PDIA4: variants seen among roughly 807,000 people sequenced by gnomAD.
PDIA4 encodes the protein protein disulfide isomerase family A member 4.
A neutral mutation model predicts 62.1 loss-of-function variants in PDIA4; 33 were observed. The observed-to-expected ratio is 0.53, with a 90% confidence interval of 0.40 to 0.71. The LOEUF is 0.71. PDIA4 is among the 30% of genes least tolerant of loss of function. The pLI is 0.00. For synonymous variants in PDIA4, 341 were observed against 324.1 expected (o/e 1.05, Z -0.56); for missense variants, 804 against 813.6 (o/e 0.99, Z 0.14).
intron 9 of PDIA4, 96 bp downstream of exon 9, chr7:149,005,045 C>G: frequency 3.3e-6 from 3 of 897,608 alleles, no homozygotes; most frequent in Non-Finnish European, 5.5e-6. Flanking sequence ...GGGTGTCGTG[C>G]CCGTGGCCAG....
At chr7:149,024,771 G>A (rs112634954) in intron 1 of PDIA4, among the ~76,000 whole-genome samples, 30,373 of 141,694 alleles carry the variant, frequency 0.21, 3,696 homozygotes, top group African/African-American at 0.33. Flanking sequence ...AGCTGAGATC[G>A]CACCACTGCA....
At chr7:149,017,647 T>C (rs1000468470) in intron 3 of PDIA4, among the ~76,000 whole-genome samples, 1 of 141,368 alleles carries the variant, frequency 7.1e-6, no homozygotes, top group Non-Finnish European at 1.5e-5. Flanking sequence ...ATTAAATACA[T>C]TTTATCAAAA....
intron 9 of PDIA4, 132 bp downstream of exon 9, chr7:149,005,009 A>T: frequency 1.4e-6 from 1 of 718,484 alleles, no homozygotes; most frequent in Non-Finnish European, 2.5e-6. Context: ...CTCGGGGGTG[A>T]GAGAGGACTG....
intron 4 of PDIA4, among the ~76,000 whole-genome samples, chr7:149,014,132 C>A (rs985478086): frequency 6.6e-6 from 1 of 152,216 alleles, no homozygotes; most frequent in Non-Finnish European, 1.5e-5. Flanking sequence ...GAATCTGTGG[C>A]CTCAGGTTTG....
chr7:149,008,028 G>T, intron 7 of PDIA4, 131 bp downstream of exon 7: 4 of 831,070 alleles, frequency 4.8e-6, no homozygotes, highest in South Asian at 1.9e-5. Flanking sequence ...GGGAGAACGG[G>T]CTGGAAAAGG....
At chr7:149,020,412 G>A (rs1279072712) in intron 2 of PDIA4, among the ~76,000 whole-genome samples, 10 of 152,166 alleles carry the variant, frequency 6.6e-5, no homozygotes. Context: ...AACAGTAGAG[G>A]AGAAGGGATG....
chr7:149,021,079 C>T lies in PDIA4; in HGVS notation c.157G>A (p.Glu53Lys), dbSNP rs1824330221. 6.2e-7 allele frequency: 1 copy of T among 1,613,650 alleles called. No homozygotes were observed. Among genetic ancestry groups the T allele is most frequent in the Non-Finnish European group, 8.5e-7 (1 of 1,179,752 alleles). ...TCTTCCTTAACTTCCAAGTCGTCTT[C>T]TTCCTCATCATCATCTTCCTCCTCC... ...EEEEEDDDEEEDDLEVKEENG... is the reference protein window; with the variant it reads ...EEEEEDDDEEKDDLEVKEENG... The change falls in exon 2 of 10, where the codon GAA becomes AAA. Residue 53 changes from glutamate to lysine, a missense_variant. By Grantham distance (56) the Glu-to-Lys change is moderately conservative. Coordinates refer to ENST00000652332, the MANE Select transcript of PDIA4 (RefSeq NM_004911.5).
In PDIA4 at chr7:149,003,738, G is replaced by C; in HGVS notation, c.*56C>G. On this transcript the variant is annotated 3_prime_UTR_variant, in exon 10 of 10. Transcript: ENST00000652332. ...TTGCCGGCCTCGGCGTGGACGCCCC[G>C]ACCATGGGCCACGCAGGGCGTCTGC... 1.3e-5 allele frequency: 17 copies of C among 1,259,826 alleles called. No homozygotes were observed. Among genetic ancestry groups the C allele is most frequent in the African/African-American group, 1.6e-5 (1 of 63,708 alleles). 78.0% of individuals were successfully genotyped at this position (1,259,826 alleles called of 1,614,324 possible).
chr7:149,022,526 C>A (rs1824389645), intron 1 of PDIA4, among the ~76,000 whole-genome samples: 1 of 152,156 alleles, frequency 6.6e-6, no homozygotes, highest in Non-Finnish European at 1.5e-5. Flanking sequence ...ATTTCATTAA[C>A]GCTGAAGCCA....
At chr7:149,016,490 A>G (rs1301204114) in intron 3 of PDIA4, among the ~76,000 whole-genome samples, 1 of 152,080 alleles carries the variant, frequency 6.6e-6, no homozygotes, top group Admixed American at 6.6e-5. Flanking sequence ...CATACAAAAT[A>G]TCTCCAAACA....
intron 6 of PDIA4, among the ~76,000 whole-genome samples, chr7:149,008,531 T>C (rs1202419663): frequency 6.6e-6 from 1 of 151,764 alleles, no homozygotes; most frequent in Non-Finnish European, 1.5e-5. Context: ...GGTGAATCCC[T>C]GTCTCTACTA....
At chr7:149,027,967 G>A (rs548670861) in intron 1 of PDIA4, 7 of 515,312 alleles carry the variant, frequency 1.4e-5, no homozygotes, top group South Asian at 4.6e-5. Flanking sequence ...GCGTTCGCCT[G>A]GAGTTAGCCT....
At chr7:149,023,240 C>T (rs1261748484) in intron 1 of PDIA4, among the ~76,000 whole-genome samples, 1 of 152,178 alleles carries the variant, frequency 6.6e-6, no homozygotes, top group African/African-American at 2.4e-5. Context: ...CAGAGGGAAA[C>T]CCAGTGTTCC....
At chr7:149,013,121 G>A (rs948675231) in intron 4 of PDIA4, among the ~76,000 whole-genome samples, 15 of 152,088 alleles carry the variant, frequency 9.9e-5, no homozygotes, top group Admixed American at 6.5e-5. Context: ...GGTGGTGGGC[G>A]CCTGTAATCC....
rs149365261 is a variant in PDIA4 at position 149,011,975 on chromosome 7, C to T, written c.850G>A (p.Gly284Arg). 98 of 1,601,162 alleles carry T rather than the reference C, an allele frequency of 6.1e-5. No individual in the cohort carries two copies. The African/African-American group carries it at 1.1e-3, about 18-fold the overall frequency. Residue 284 changes from glycine to arginine, a missense_variant, in exon 6 of 10, where the codon GGG (glycine) becomes AGG (arginine). Transcript: ENST00000652332. ...GTCAGAATCTCCTTGGAGGGAGGCC[C>T]GGACTGCTCGATCATGTAATCAACG... ...GIVDYMIEQS[G>R]PPSKEILTLK...
intron 1 of PDIA4, 21 bp downstream of exon 1, chr7:149,028,300 C>G (rs1005383718): frequency 2.5e-5 from 38 of 1,507,194 alleles, no homozygotes; most frequent in Non-Finnish European, 3.0e-5. Context: ...CAGCCCGACC[C>G]GCGGCGCGCT....
chr7:149,004,326 AG>A (rs1285586915), intron 9 of PDIA4, 117 bp from the exon 10 acceptor site: 5 of 904,494 alleles, frequency 5.5e-6, no homozygotes, highest in Admixed American at 4.5e-5. Context: ...CCAGTCACAC[AG>A]GAAGAGCCCA....
At chr7:149,016,151 C>T (rs996518471) in intron 3 of PDIA4, among the ~76,000 whole-genome samples, 2 of 152,060 alleles carry the variant, frequency 1.3e-5, no homozygotes, top group African/African-American at 2.4e-5. Flanking sequence ...AAAAATTAGC[C>T]GGGCGTGGTG....
At chr7:149,006,182 A>T (rs1823752508) in intron 7 of PDIA4, 129 bp from the exon 8 acceptor site, 6 of 868,284 alleles carry the variant, frequency 6.9e-6, no homozygotes, top group Middle Eastern at 2.7e-4. Flanking sequence ...AAAACACCCC[A>T]GGGCTCGACC....
Sources: gnomAD v4.1 joint callset for allele counts (sites outside exome capture counted in the v4.1 genomes callset) on GRCh38, gnomAD v4.1.1 for gene constraint, MANE v1.5 for transcripts, NCBI Gene and HGNC (gene_info 2026-07-23, HGNC 2026-07-21) for gene names.